SLC8A1: variants seen among roughly 807,000 people sequenced by gnomAD.
The protein encoded by SLC8A1 is solute carrier family 8 member A1, also known as sodium/calcium exchanger 1.
A neutral mutation model predicts 68.3 loss-of-function variants in SLC8A1; 18 were observed. That is an observed-to-expected ratio of 0.26 (90% CI 0.18 to 0.39). SLC8A1 has a LOEUF of 0.39. SLC8A1 is among the 10% of genes least tolerant of loss of function. SLC8A1 has a pLI of 1.00. For synonymous variants in SLC8A1, 475 were observed against 415.5 expected (o/e 1.14, Z -1.74); for missense variants, 985 against 1,156.7 (o/e 0.85, Z 2.15).
chr2:40,261,056 A>G (rs2064629513), intron 2 of SLC8A1, among the ~76,000 whole-genome samples: 1 of 152,242 alleles, frequency 6.6e-6, no homozygotes, highest in East Asian at 1.9e-4. Context: ...TGTTAAATGC[A>G]TGATGGAAGC....
intron 2 of SLC8A1, among the ~76,000 whole-genome samples, chr2:40,385,664 C>A (rs560943905): frequency 6.6e-6 from 1 of 151,480 alleles, no homozygotes; most frequent in East Asian, 1.9e-4. Flanking sequence ...AATATACCAT[C>A]TTTCAAATGT....
At chr2:40,110,678 C>G (rs1572680701) in exon 8 of SLC8A1, 2 of 152,266 alleles carry the variant, frequency 1.3e-5, no homozygotes, top group East Asian at 3.9e-4. Flanking sequence ...GCCAAACGTT[C>G]TTGAGATTAT....
chr2:40,470,657 T>C (rs991034683), intron 1 of SLC8A1, among the ~76,000 whole-genome samples: 2 of 151,886 alleles, frequency 1.3e-5, no homozygotes, highest in Non-Finnish European at 2.9e-5. Context: ...GCTATAGATA[T>C]ATGTATAGAA....
At chr2:40,404,106 G>A (rs372664402) in intron 2 of SLC8A1, among the ~76,000 whole-genome samples, 9 of 152,024 alleles carry the variant, frequency 5.9e-5, no homozygotes. Context: ...ATGTTGACCA[G>A]GTTGGTTTTG....
At chr2:40,293,639 G>A (rs1441949518) in intron 2 of SLC8A1, among the ~76,000 whole-genome samples, 1 of 152,086 alleles carries the variant, frequency 6.6e-6, no homozygotes, top group Non-Finnish European at 1.5e-5. Context: ...CTCTATTGAT[G>A]CTAAGTGAAG....
exon 8 of SLC8A1, chr2:40,112,108 G>GA (rs547990945): frequency 7.2e-5 from 11 of 152,494 alleles, no homozygotes; most frequent in Non-Finnish European, 1.5e-4. Context: ...CTTGGTGTCT[G>GA]TTTTTTTCTT....
chr2:40,224,243 G>C (rs2058697463), intron 2 of SLC8A1, among the ~76,000 whole-genome samples: 1 of 152,060 alleles, frequency 6.6e-6, no homozygotes, highest in African/African-American at 2.4e-5. Context: ...GTATGGGTTG[G>C]CATCCTGGGG....
exon 8 of SLC8A1, chr2:40,103,504 G>A (rs1485498756): frequency 1.3e-5 from 2 of 152,056 alleles, no homozygotes. Flanking sequence ...ATATCTTTCT[G>A]CCTGGTCATT....
At chr2:40,439,665 G>C (rs891827618) in intron 1 of SLC8A1, among the ~76,000 whole-genome samples, 1 of 152,094 alleles carries the variant, frequency 6.6e-6, no homozygotes. Context: ...TTTTCAGTGA[G>C]TCATTAAGAT....
chr2:40,270,249 G>T (rs1248990957), intron 2 of SLC8A1, among the ~76,000 whole-genome samples: 6 of 152,230 alleles, frequency 3.9e-5, no homozygotes, highest in Non-Finnish European at 5.9e-5. Flanking sequence ...CAGATCCACA[G>T]TGGTGCCAGA....
chr2:40,201,588 T>A (rs1004511578), intron 2 of SLC8A1, among the ~76,000 whole-genome samples: 7 of 151,970 alleles, frequency 4.6e-5, no homozygotes, highest in Non-Finnish European at 1.0e-4. Flanking sequence ...AAGCTTTGCC[T>A]TTGTAAGTAC....
intron 2 of SLC8A1, among the ~76,000 whole-genome samples, chr2:40,317,081 C>A (rs529204201): frequency 2.0e-5 from 3 of 151,978 alleles, no homozygotes; most frequent in Non-Finnish European, 2.9e-5. Context: ...GGATTAGTTG[C>A]ATTAAAAATA....
At chr2:40,186,914 AAAT>A (rs1422221119) in intron 2 of SLC8A1, among the ~76,000 whole-genome samples, 1 of 152,242 alleles carries the variant, frequency 6.6e-6, no homozygotes, top group African/African-American at 2.4e-5. Flanking sequence ...TGCAAAGATT[AAAT>A]AATATATTGC....
chr2:40,453,503 G>A (rs77234600), upstream of SLC8A1: 4,291 of 152,276 alleles, frequency 0.028, 117 homozygotes, highest in Non-Finnish European at 0.034. Flanking sequence ...GGAAGAAATA[G>A]CCTCTTCTGC....
rs980418635 is a variant in SLC8A1 at position 40,174,593 on chromosome 2, G to A, written c.1930+232C>T. 4 of 994,046 alleles carry A rather than the reference G, an allele frequency of 4.0e-6. No individual in the cohort carries two copies. In the Admixed American group the frequency reaches 7.1e-5, roughly 18 times the overall value. The allele number at this position is 994,046 out of a possible 1,614,324, so 61.6% of individuals were successfully genotyped here. Reference sequence around the variant, plus strand: ...CGTTAAATGTGTAAAACCAGCAAGAGCACACCATGTGCCACAGTTAAATAT... The same window carrying A: ...CGTTAAATGTGTAAAACCAGCAAGAACACACCATGTGCCACAGTTAAATAT... On this transcript the variant is annotated intron_variant, in intron 4 of 7. Transcript: ENST00000406785.
chr2:40,238,814 A>G (rs915311128), intron 2 of SLC8A1, among the ~76,000 whole-genome samples: 4 of 152,182 alleles, frequency 2.6e-5, no homozygotes, highest in African/African-American at 9.6e-5. Context: ...AAATTAATGT[A>G]TATCATTATA....
chr2:40,399,695 G>C (rs1232671932), intron 2 of SLC8A1, among the ~76,000 whole-genome samples: 1 of 151,976 alleles, frequency 6.6e-6, no homozygotes. Context: ...TTTTTACCAA[G>C]GACATTTGGG....
chr2:40,259,836 T>C (rs2064448318), intron 2 of SLC8A1, among the ~76,000 whole-genome samples: 1 of 152,184 alleles, frequency 6.6e-6, no homozygotes, highest in Non-Finnish European at 1.5e-5. Flanking sequence ...GCTTTAATTT[T>C]CTCTTGGCCA....
chr2:40,134,986 G>A (rs552250137), intron 7 of SLC8A1, among the ~76,000 whole-genome samples: 1 of 152,190 alleles, frequency 6.6e-6, no homozygotes, highest in Non-Finnish European at 1.5e-5. Context: ...ACTCTTTAAA[G>A]ATATCATTTA....
Sources: allele counts gnomAD v4.1 joint callset (sites outside exome capture counted in the v4.1 genomes callset), GRCh38; gene constraint gnomAD v4.1.1; transcripts MANE v1.5; gene names NCBI Gene and HGNC (gene_info 2026-07-23, HGNC 2026-07-21).